The following TRIM24 variants were observed in gnomAD, a reference collection of about 807,000 sequenced individuals.
TRIM24 encodes tripartite motif containing 24.
TRIM24 carries 29 observed loss-of-function variants against 123.9 expected under a neutral mutation model. That is an observed-to-expected ratio of 0.23 (90% confidence interval 0.17 to 0.32). The LOEUF is 0.32. TRIM24 is among the 10% of genes least tolerant of loss of function. The probability of loss-of-function intolerance (pLI) is 1.00; values close to 1 mark genes in which losing one functional copy is unlikely to be tolerated. For missense variants in TRIM24, 932 were observed against 1,295.3 expected, an observed-to-expected ratio of 0.72 and a Z score of 4.31; for synonymous variants, 456 against 461.1, an observed-to-expected ratio of 0.99 and a Z score of 0.14.
At chr7:138,484,746 A>G (rs1795608413) in intron 1 of TRIM24, among the ~76,000 whole-genome samples, 2 of 152,148 alleles carry the variant, frequency 1.3e-5, no homozygotes, top group African/African-American at 2.4e-5. Flanking sequence ...AAGGAATTTC[A>G]TGATACTTAC....
intron 10 of TRIM24, among the ~76,000 whole-genome samples, chr7:138,569,404 A>G (rs1228068226): frequency 1.3e-5 from 2 of 152,244 alleles, no homozygotes; most frequent in African/African-American, 2.4e-5. Flanking sequence ...AAATTAGAGT[A>G]TACTCATACA....
At chr7:138,569,854 T>C (rs1426135931) in intron 10 of TRIM24, among the ~76,000 whole-genome samples, 1 of 152,118 alleles carries the variant, frequency 6.6e-6, no homozygotes, top group Non-Finnish European at 1.5e-5. Context: ...TTTTCAAACA[T>C]AATAAAAATT....
intron 11 of TRIM24, among the ~76,000 whole-genome samples, chr7:138,572,270 G>C (rs1042949617): frequency 7.2e-5 from 11 of 151,970 alleles, no homozygotes; most frequent in Admixed American, 5.2e-4. Context: ...AGTTTTATTT[G>C]GCTTTTAGGA....
rs370853715 is a variant in TRIM24, at chr7:138,584,959, C to T, written c.*8C>T. 1.9e-6 allele frequency: 3 copies of T among 1,598,724 alleles called. No homozygotes were observed. In the African/African-American group the frequency reaches 4.1e-5, roughly 22 times the overall value. On this transcript the variant is annotated 3_prime_UTR_variant, in exon 19 of 19. Transcript: ENST00000343526. Reference sequence around the variant, plus strand: ...CGCCAGTTGCTTAAATAATATGCAGCACCACTAGCTTGTGCTGGTTTTTAG... The same window carrying T: ...CGCCAGTTGCTTAAATAATATGCAGTACCACTAGCTTGTGCTGGTTTTTAG...
chr7:138,461,774 A>G (rs950001552), intron 1 of TRIM24, among the ~76,000 whole-genome samples: 1 of 152,216 alleles, frequency 6.6e-6, no homozygotes, highest in African/African-American at 2.4e-5. Flanking sequence ...TATTGCAAAT[A>G]TTTGAGCACC....
intron 1 of TRIM24, among the ~76,000 whole-genome samples, chr7:138,493,792 A>AACCAGCCGC (rs1264582623): frequency 6.6e-6 from 1 of 152,158 alleles, no homozygotes; most frequent in Non-Finnish European, 1.5e-5. Context: ...GGGTCATGGT[A>AACCAGCCGC]GCTGGTTTAT....
chr7:138,516,543 C>A (rs967514572), intron 3 of TRIM24, among the ~76,000 whole-genome samples: 2 of 152,040 alleles, frequency 1.3e-5, no homozygotes, highest in African/African-American at 4.8e-5. Context: ...TTAGTAGACA[C>A]AGGGTTTTAC....
intron 7 of TRIM24, among the ~76,000 whole-genome samples, chr7:138,539,617 T>C (rs1379067567): frequency 1.3e-5 from 2 of 152,146 alleles, no homozygotes; most frequent in East Asian, 1.9e-4. Flanking sequence ...CTCCGAAGTA[T>C]ACTATAAACC....
intron 6 of TRIM24, among the ~76,000 whole-genome samples, chr7:138,536,480 A>G (rs752822381): frequency 3.0e-4 from 46 of 152,162 alleles, no homozygotes; most frequent in Non-Finnish European, 6.2e-4. Context: ...GTGGAGGTCC[A>G]CTCCAGACCC....
intron 11 of TRIM24, among the ~76,000 whole-genome samples, chr7:138,573,100 A>G (rs1279969030): frequency 6.6e-6 from 1 of 152,250 alleles, no homozygotes. Context: ...AAGCAAAACC[A>G]TATACCACAA....
chr7:138,557,579 A>G (rs1466708632), intron 9 of TRIM24, among the ~76,000 whole-genome samples: 1 of 152,200 alleles, frequency 6.6e-6, no homozygotes, highest in African/African-American at 2.4e-5. Flanking sequence ...CGAAGAGGGT[A>G]TCTGGAGACC....
chr7:138,557,206 G>A (rs1189761013), intron 9 of TRIM24, among the ~76,000 whole-genome samples: 1 of 152,148 alleles, frequency 6.6e-6, no homozygotes, highest in Non-Finnish European at 1.5e-5. Flanking sequence ...TCAAGGCTTT[G>A]TCAGGGCCCT....
At chr7:138,513,792 T>C (rs1184298321) in intron 2 of TRIM24, among the ~76,000 whole-genome samples, 1 of 152,194 alleles carries the variant, frequency 6.6e-6, no homozygotes, top group Admixed American at 6.5e-5. Context: ...CACACACTTT[T>C]CCTGTTTTAT....
rs1346836686 is a variant in TRIM24, at chr7:138,498,047, G to A, written c.365-6243G>A. On this transcript the variant is annotated intron_variant, in intron 1 of 18. Transcript: ENST00000343526. ...TTATTTATTTATTTTTTGAGACAGG[G>A]TCTCACTCTGTCACCTAGGCTGGGG... is the stretch of plus-strand genomic sequence containing the variant. Among the ~76,000 whole-genome samples, 3 of 150,072 alleles carry A rather than the reference G, an allele frequency of 2.0e-5. No individual in the cohort carries two copies. In the South Asian group the frequency reaches 6.3e-4, roughly 32 times the overall value.
At chr7:138,582,102 G>A (rs958666666) in intron 17 of TRIM24, among the ~76,000 whole-genome samples, 2 of 152,160 alleles carry the variant, frequency 1.3e-5, no homozygotes, top group Non-Finnish European at 2.9e-5. Flanking sequence ...TTGAAATAAA[G>A]ACATCTCTCC....
chr7:138,586,615 ATTG>A lies in TRIM24; in HGVS notation c.*1670_*1672del, dbSNP rs1311338426. The A allele has an allele frequency of 2.0e-5, 3 of 152,186 alleles. No homozygotes were observed. The highest frequency in any genetic ancestry group is 7.2e-5 in the African/African-American group (3 of 41,468). 9.4% of individuals were successfully genotyped at this position (152,186 alleles called of 1,614,324 possible). Reference sequence around the variant, plus strand: ...TATGTGTTACATGGTAATGTTTGTCATTGTTGTTTTAAAGTTGCATTTGACATT... The same window carrying A: ...TATGTGTTACATGGTAATGTTTGTCATTGTTTTAAAGTTGCATTTGACATT... On this transcript the variant is annotated 3_prime_UTR_variant, in exon 19 of 19. Transcript: ENST00000343526.
At chr7:138,517,708 A>G (rs1796429628) in intron 3 of TRIM24, among the ~76,000 whole-genome samples, 2 of 152,090 alleles carry the variant, frequency 1.3e-5, no homozygotes, top group South Asian at 2.1e-4. Context: ...TTTTGACACT[A>G]TTGACATTTT....
chr7:138,547,736 C>T (rs756250523), intron 7 of TRIM24, among the ~76,000 whole-genome samples: 1 of 152,112 alleles, frequency 6.6e-6, no homozygotes, highest in African/African-American at 2.4e-5. Context: ...GATTGCCTCC[C>T]AGGTTCCAGT....
In TRIM24 at chr7:138,589,938, A is replaced by G. The variant is rs760833537; in HGVS notation, c.*4987A>G. ...TAAGTCCTAATTTGAGTCCTAAAAA[A>G]ATCTTTCCTTGTTAGTTGCAAGTTA... On this transcript the variant is annotated 3_prime_UTR_variant, in exon 19 of 19. Coordinates refer to ENST00000343526, the MANE Select transcript of TRIM24 (RefSeq NM_015905.3). The G allele has an allele frequency of 1.2e-4, 19 of 152,206 alleles. No individual in the cohort carries two copies. The highest frequency in any genetic ancestry group is 2.5e-4 in the Non-Finnish European group (17 of 68,038). The allele number at this position is 152,206 out of a possible 1,614,324, so 9.4% of individuals were successfully genotyped here. A position where few individuals can be genotyped will look rare whatever the true frequency, so the allele number is the denominator to read the frequency against.
Sources: gnomAD v4.1 joint callset for allele counts (sites outside exome capture counted in the v4.1 genomes callset) on GRCh38, gnomAD v4.1.1 for gene constraint, MANE v1.5 for transcripts, NCBI Gene and HGNC (gene_info 2026-07-23, HGNC 2026-07-21) for gene names.